CCDC124: variants seen among roughly 807,000 people sequenced by gnomAD.
CCDC124 encodes the protein coiled-coil domain containing 124.
A neutral mutation model predicts 19.8 loss-of-function variants in CCDC124; 9 were observed. The observed-to-expected ratio is 0.45, with a 90% CI of 0.27 to 0.79. The LOEUF is 0.79. CCDC124 is among the 30% of genes least tolerant of loss of function. The pLI is 0.14. For missense variants in CCDC124, 285 were observed against 319.0 expected (o/e 0.89, Z 0.81); for synonymous variants, 126 against 131.3 (o/e 0.96, Z 0.27).
At chr19:17,933,761 C>T (rs925370615) in intron 1 of CCDC124, among the ~76,000 whole-genome samples, 4 of 152,228 alleles carry the variant, frequency 2.6e-5, no homozygotes, top group African/African-American at 9.6e-5. Flanking sequence ...TTGACCCAGG[C>T]TGGGTCAGAA....
At chr19:17,935,396 T>C (rs2031037357) in intron 1 of CCDC124, among the ~76,000 whole-genome samples, 1 of 151,828 alleles carries the variant, frequency 6.6e-6, no homozygotes, top group Non-Finnish European at 1.5e-5. Flanking sequence ...CACAACGCTG[T>C]GAATATACTT....
chr19:17,934,784 A>AAAAT (rs761301893), intron 1 of CCDC124, among the ~76,000 whole-genome samples: 46 of 152,214 alleles, frequency 3.0e-4, no homozygotes, highest in Non-Finnish European at 5.4e-4. Flanking sequence ...CCCTGTCTCC[A>AAAAT]AAATAAATAA....
At position 17,943,241 on chromosome 19, in the gene CCDC124, T is replaced by TCGGGGGGGCCCCCCCCCCC; in HGVS notation, c.350-19_350-18insGGGGGGGCCCCCCCCCCCC. 1.4e-6 allele frequency: 1 copy of TCGGGGGGGCCCCCCCCCCC among 736,676 alleles called. No individual in the cohort carries two copies. 45.6% of individuals were successfully genotyped at this position (736,676 alleles called of 1,614,324 possible). On this transcript the variant is annotated intron_variant, in intron 3 of 4. Transcript: ENST00000445755. ...CTTTGCTTATCTCTCTCTGTCTCTG[T>TCGGGGGGGCCCCCCCCCCC]CACCCACCCACCCGCCCAGCCGAGA...
intron 2 of CCDC124, among the ~76,000 whole-genome samples, chr19:17,939,922 CTT>C (rs368842369): frequency 9.4e-5 from 11 of 117,272 alleles, no homozygotes; most frequent in Admixed American, 1.8e-4. Flanking sequence ...CGCACCTGGC[CTT>C]TTTTTTTTTT....
At chr19:17,939,011 G>A (rs1296949742) in intron 2 of CCDC124, among the ~76,000 whole-genome samples, 1 of 152,198 alleles carries the variant, frequency 6.6e-6, no homozygotes, top group East Asian at 1.9e-4. Flanking sequence ...GGTCCATGGA[G>A]ATATTTATAG....
Position 17,943,889 on chromosome 19 carries a change from C to T in CCDC124, c.*174C>T, listed in dbSNP as rs1323126262. Reference sequence around the variant, plus strand: ...TCCTCCCGCCAGAGGGTCCCTGCCCCGAGTGACACCCCATCCCCTCCCATC... The same window carrying T: ...TCCTCCCGCCAGAGGGTCCCTGCCCTGAGTGACACCCCATCCCCTCCCATC... On this transcript the variant is annotated 3_prime_UTR_variant, in exon 5 of 5. Coordinates refer to ENST00000445755, the MANE Select transcript of CCDC124 (RefSeq NM_001136203.2). 5 of 631,536 alleles carry T rather than the reference C, an allele frequency of 7.9e-6. No homozygotes were observed. The African/African-American group carries it at 9.2e-5, about 12-fold the overall frequency. The allele number at this position is 631,536 out of a possible 1,614,324, so 39.1% of individuals were successfully genotyped here.
intron 2 of CCDC124, among the ~76,000 whole-genome samples, chr19:17,937,679 C>T (rs2031094349): frequency 2.0e-5 from 3 of 152,140 alleles, no homozygotes; most frequent in South Asian, 4.2e-4. Context: ...TGTGATCAGG[C>T]CCCCATTTCC....
chr19:17,940,018 G>A (rs866291574), intron 2 of CCDC124, among the ~76,000 whole-genome samples: 18 of 148,518 alleles, frequency 1.2e-4, no homozygotes, highest in Middle Eastern at 3.6e-3. Flanking sequence ...AGGTCCAAGC[G>A]ATTCTTTTGC....
Position 17,942,646 on chromosome 19 carries a change from G to T in CCDC124, c.160-10G>T, listed in dbSNP as rs764665911. On this transcript the variant is annotated splice_polypyrimidine_tract_variant and intron_variant, in intron 2 of 4. Coordinates refer to ENST00000445755, the MANE Select transcript of CCDC124 (RefSeq NM_001136203.2). This position sits in a 1 kb window ranked among gnomAD's most constrained non-coding sequence, Gnocchi z 4.2. ...GGTCTTCTGCCTGACCATGCACGCC[G>T]CCCCCGCAGGAGGAGAAGGAGAAGC... is the stretch of plus-strand genomic sequence containing the variant. 3 of 1,552,736 alleles carry T rather than the reference G, an allele frequency of 1.9e-6. No homozygotes were observed. The highest frequency in any genetic ancestry group is 1.7e-6 in the Non-Finnish European group (2 of 1,148,278).
At chr19:17,936,831 A>C in intron 2 of CCDC124, 1 of 387,410 alleles carries the variant, frequency 2.6e-6, no homozygotes, top group Non-Finnish European at 4.7e-6. Context: ...AAATACAAAA[A>C]TTAACTGCGT....
intron 4 of CCDC124, 25 bp downstream of exon 4, chr19:17,943,400 T>C (rs1272671866): frequency 8.4e-7 from 1 of 1,187,810 alleles, no homozygotes; most frequent in Admixed American, 2.2e-5. Context: ...CCTGGGGCTT[T>C]CCCAGGGGTG....
At chr19:17,941,524 A>G (rs934012220) in intron 2 of CCDC124, among the ~76,000 whole-genome samples, 1 of 151,912 alleles carries the variant, frequency 6.6e-6, no homozygotes, top group Non-Finnish European at 1.5e-5. Context: ...AAAAAAAAAA[A>G]AAGGACCCTG....
At chr19:17,941,705 T>A (rs2031185507) in intron 2 of CCDC124, among the ~76,000 whole-genome samples, 1 of 151,590 alleles carries the variant, frequency 6.6e-6, no homozygotes, top group Non-Finnish European at 1.5e-5. Context: ...CTGGTGGGGG[T>A]GGGGGTCAGG....
intron 2 of CCDC124, among the ~76,000 whole-genome samples, chr19:17,939,256 G>C (rs562577822): frequency 3.3e-5 from 5 of 152,126 alleles, no homozygotes; most frequent in Non-Finnish European, 7.4e-5. Context: ...TTAGCTGGGC[G>C]TGGTGGCGCG....
intron 2 of CCDC124, among the ~76,000 whole-genome samples, chr19:17,938,594 CTTTT>C (rs992377012): frequency 6.6e-6 from 1 of 151,944 alleles, no homozygotes; most frequent in African/African-American, 2.4e-5. Flanking sequence ...TACCCGTCAT[CTTTT>C]TTTTGTTTTT....
In CCDC124 at chr19:17,934,098, C is replaced by T. The variant is rs555022936; in HGVS notation, c.-12+1050C>T. Among the ~76,000 whole-genome samples, 55 of 149,022 alleles carry T rather than the reference C, an allele frequency of 3.7e-4. 1 individual carries two copies. Among genetic ancestry groups the T allele is most frequent in the Middle Eastern group, 3.4e-3 (1 of 294 alleles). ...AGGCACTTTGAGAGGCCGAGGCAAG[C>T]GGATCACTTGAGGTCAAGAGTTTGA... On this transcript the variant is annotated intron_variant, in intron 1 of 4. Coordinates refer to ENST00000445755, the MANE Select transcript of CCDC124 (RefSeq NM_001136203.2).
intron 3 of CCDC124, 116 bp from the exon 4 acceptor site, chr19:17,943,145 A>G (rs983720223): frequency 3.3e-6 from 3 of 896,126 alleles, no homozygotes; most frequent in Non-Finnish European, 5.3e-6. Context: ...ATCCCCCCTC[A>G]TCTCTCCCGC....
Position 17,943,243 on chromosome 19 carries a change from A to AACCCCCCCCCCC in CCDC124, c.350-18_350-17insACCCCCCCCCCC. Reference sequence around the variant, plus strand: ...TTGCTTATCTCTCTCTGTCTCTGTCACCCACCCACCCGCCCAGCCGAGAAA... The same window carrying AACCCCCCCCCCC: ...TTGCTTATCTCTCTCTGTCTCTGTCAACCCCCCCCCCCCCCACCCACCCGCCCAGCCGAGAAA... On this transcript the variant is annotated splice_polypyrimidine_tract_variant and intron_variant, in intron 3 of 4. Transcript: ENST00000445755. 2.3e-6 allele frequency: 1 copy of AACCCCCCCCCCC among 430,552 alleles called. No individual in the cohort carries two copies. The highest frequency in any genetic ancestry group is 4.5e-6 in the Non-Finnish European group (1 of 219,990). 26.7% of individuals were successfully genotyped at this position (430,552 alleles called of 1,614,324 possible).
At position 17,943,733 on chromosome 19, in the gene CCDC124, C is replaced by A. The variant is rs553855303; in HGVS notation, c.*18C>A. 3.4e-5 allele frequency: 54 copies of A among 1,608,334 alleles called. No homozygotes were observed. In the Admixed American group the frequency reaches 4.0e-4, roughly 12 times the overall value. On this transcript the variant is annotated 3_prime_UTR_variant, in exon 5 of 5. Coordinates refer to ENST00000445755, the MANE Select transcript of CCDC124 (RefSeq NM_001136203.2). The stretch of plus-strand genomic sequence containing the variant: ...CCAAGTGAGCCCAGAACTTGGGGAG[C>A]CAGTTCACCCACGGGTGGTCCAGGT...
Sources: gnomAD v4.1 joint callset for allele counts (sites outside exome capture counted in the v4.1 genomes callset) on GRCh38, gnomAD v4.1.1 for gene constraint, Gnocchi (gnomAD v3.1) non-coding constraint, MANE v1.5 for transcripts, NCBI Gene and HGNC (gene_info 2026-07-23, HGNC 2026-07-21) for gene names.